RECQL: variants seen among roughly 807,000 people sequenced by gnomAD.
The protein encoded by RECQL is ATP-dependent DNA helicase Q1.
A neutral mutation model predicts 75.8 loss-of-function variants in RECQL; 73 were observed. The ratio of observed to expected loss-of-function variants is 0.96; its 90% CI spans 0.80 to 1.17. RECQL has a LOEUF of 1.17. RECQL is among the 50% of genes most tolerant of loss of function. RECQL has a pLI of 0.00. For missense variants in RECQL, 699 were observed against 772.1 expected, an observed-to-expected ratio of 0.91 and a Z score of 1.12; for synonymous variants, 248 against 254.4, an observed-to-expected ratio of 0.97 and a Z score of 0.24.
At chr12:21,489,809 T>C (rs991301301) in intron 4 of RECQL, among the ~76,000 whole-genome samples, 3 of 152,226 alleles carry the variant, frequency 2.0e-5, no homozygotes, top group African/African-American at 7.2e-5. Context: ...AATATGTTTT[T>C]AAATTTATGT....
intron 14 of RECQL, chr12:21,470,620 G>C: frequency 2.8e-6 from 1 of 352,442 alleles, no homozygotes; most frequent in Non-Finnish European, 5.1e-6. Context: ...GATAGTATTT[G>C]GTTTAAAACA....
At position 21,476,962 on chromosome 12, in the gene RECQL, A is replaced by T. The variant is rs142858580; in HGVS notation, c.898T>A (p.Phe300Ile). 176 of 1,610,292 alleles carry T rather than the reference A, an allele frequency of 1.1e-4. No individual in the cohort carries two copies. Among genetic ancestry groups the T allele is most frequent in the Non-Finnish European group, 1.4e-4 (170 of 1,178,474 alleles). ...ATGAGCTTTACAATATCCTCAATAA[A>T]ATCTTCAGTGTTTGAGGGCTTCTGC... is the stretch of plus-strand genomic sequence containing the variant. ...VRQKPSNTED[F>I]IEDIVKLING... is the part of the protein sequence containing the mutation. Residue 300 changes from phenylalanine to isoleucine, a missense_variant, in exon 8 of 15, where the codon TTT (phenylalanine) becomes ATT (isoleucine). By Grantham distance (21) the Phe-to-Ile change is conservative. Transcript: ENST00000444129.
At chr12:21,494,569 C>A (rs1001541686) in intron 2 of RECQL, among the ~76,000 whole-genome samples, 2 of 152,056 alleles carry the variant, frequency 1.3e-5, no homozygotes, top group Non-Finnish European at 2.9e-5. Flanking sequence ...TGGAATAAAA[C>A]AGGTATAGAG....
In RECQL at chr12:21,491,227, T is replaced by C. The variant is rs931716895; in HGVS notation, c.214+292A>G. 3.3e-5 allele frequency among the ~76,000 whole-genome samples: 5 copies of C among 152,340 alleles called. No homozygotes were observed. The East Asian group carries it at 7.7e-4, about 23-fold the overall frequency. On this transcript the variant is annotated intron_variant, in intron 3 of 14. Transcript: ENST00000444129. ...TAACCTTTGGCAAGGAGTTTGAATT[T>C]TTTTTCTTAACTGTTTGTTAATGTA...
chr12:21,499,445 G>T (rs780842486), intron 2 of RECQL, 110 bp downstream of exon 2: 18 of 1,031,600 alleles, frequency 1.7e-5, no homozygotes, highest in Middle Eastern at 4.4e-4. Flanking sequence ...CAATAAAAAA[G>T]CTGAAAAAAA....
At chr12:21,500,704 C>G (rs1943595547) in intron 1 of RECQL, among the ~76,000 whole-genome samples, 1 of 152,182 alleles carries the variant, frequency 6.6e-6, no homozygotes, top group South Asian at 2.1e-4. Flanking sequence ...GGGGTTCAAT[C>G]TCTTCACCTT....
chr12:21,471,725 A>ACTGGTTTAAAG, intron 12 of RECQL, 78 bp from the exon 13 acceptor site: 1 of 1,161,032 alleles, frequency 8.6e-7, no homozygotes, highest in Non-Finnish European at 1.3e-6. Flanking sequence ...AAGTAGTTAA[A>ACTGGTTTAAAG]CTGGTTTAAA....
chr12:21,484,710 C>G (rs1339473410), intron 5 of RECQL, among the ~76,000 whole-genome samples: 1 of 151,910 alleles, frequency 6.6e-6, no homozygotes, highest in Non-Finnish European at 1.5e-5. Context: ...GAGGCTCTCA[C>G]TGCCCAAGGA....
rs2137327875 is a variant in RECQL, at chr12:21,473,565, C to T, written c.1433G>A (p.Cys478Tyr). The change falls in exon 12 of 15, where the codon TGC (cysteine) becomes TAC (tyrosine). Residue 478 changes from cysteine (C) to tyrosine (Y), a missense_variant. By Grantham distance (194) the Cys-to-Tyr change is radical. Transcript: ENST00000444129. ...AACAAACTCACCACTGTCTTTACAG[C>T]AGTTATCGCACATTTTGTTACATGC... The part of the protein sequence containing the change: ...SEACNKMCDN[C>Y]CKDSAFERKN... The T allele has an allele frequency of 1.9e-6, 3 of 1,612,328 alleles. No homozygotes were observed. The highest frequency in any genetic ancestry group is 1.1e-5 in the South Asian group (1 of 91,012).
At chr12:21,481,224 G>A (rs79127205) in intron 6 of RECQL, among the ~76,000 whole-genome samples, 4,474 of 152,264 alleles carry the variant, frequency 0.029, 179 homozygotes, top group African/African-American at 0.089. Context: ...TTTTTGGTTA[G>A]AATGTCGAGT....
intron 5 of RECQL, 120 bp downstream of exon 5, chr12:21,486,359 T>C: frequency 7.8e-7 from 1 of 1,286,310 alleles, no homozygotes. Flanking sequence ...AGAGCAGTAG[T>C]TTGTAACTCC....
intron 6 of RECQL, among the ~76,000 whole-genome samples, chr12:21,480,767 G>T (rs767992709): frequency 6.6e-6 from 1 of 152,084 alleles, no homozygotes; most frequent in Admixed American, 6.6e-5. Flanking sequence ...ACTTTTCTCA[G>T]CCTTTGGAGA....
chr12:21,475,321 A>T (rs150881760), intron 10 of RECQL, 147 bp downstream of exon 10: 7 of 578,726 alleles, frequency 1.2e-5, no homozygotes, highest in Admixed American at 3.4e-5. Context: ...ATTTCTCCAT[A>T]TGCAAGTAAG....
At chr12:21,481,789 A>T (rs1943196590) in intron 6 of RECQL, among the ~76,000 whole-genome samples, 1 of 152,062 alleles carries the variant, frequency 6.6e-6, no homozygotes, top group African/African-American at 2.4e-5. Flanking sequence ...GGAAGAGCGA[A>T]GGAGGTGAGA....
At chr12:21,474,403 A>G (rs1943042171) in intron 11 of RECQL, among the ~76,000 whole-genome samples, 1 of 152,048 alleles carries the variant, frequency 6.6e-6, no homozygotes, top group African/African-American at 2.4e-5. Context: ...ATCTAGTCTA[A>G]AGCCACCCTA....
chr12:21,482,043 T>C (rs1203258398), intron 6 of RECQL, among the ~76,000 whole-genome samples: 1 of 151,772 alleles, frequency 6.6e-6, no homozygotes, highest in African/African-American at 2.4e-5. Context: ...ATGGAGATGG[T>C]AAGCTGAGAA....
At chr12:21,478,475 G>C (rs778345771) in intron 6 of RECQL, among the ~76,000 whole-genome samples, 14 of 152,170 alleles carry the variant, frequency 9.2e-5, no homozygotes, top group Non-Finnish European at 1.9e-4. Flanking sequence ...AAAGAGGACA[G>C]AGCAGCTGCT....
At position 21,469,279 on chromosome 12, in the gene RECQL, A is replaced by G. The variant is rs1029862874; in HGVS notation, c.*915T>C. ...CTGAAATCATCTACAAGCTTGTCCAACTCTAGCCCACGGGTCTAATGCAGC... is the reference window on the plus strand; with the variant it reads ...CTGAAATCATCTACAAGCTTGTCCAGCTCTAGCCCACGGGTCTAATGCAGC... On this transcript the variant is annotated 3_prime_UTR_variant, in exon 15 of 15. Coordinates refer to ENST00000444129, the MANE Select transcript of RECQL (RefSeq NM_002907.4). The G allele has an allele frequency of 6.5e-6, 1 of 154,602 alleles. No homozygotes were observed. The highest frequency in any genetic ancestry group is 2.4e-5 in the African/African-American group (1 of 41,412). The allele number at this position is 154,602 out of a possible 1,614,324, so 9.6% of individuals were successfully genotyped here. A position where few individuals can be genotyped will look rare whatever the true frequency, so the allele number is the denominator to read the frequency against.
At chr12:21,496,146 T>G (rs572790051) in intron 2 of RECQL, among the ~76,000 whole-genome samples, 1 of 152,202 alleles carries the variant, frequency 6.6e-6, no homozygotes, top group Non-Finnish European at 1.5e-5. Context: ...ATGAGGGTAA[T>G]GATGACTTCC....
Sources: allele counts gnomAD v4.1 joint callset (sites outside exome capture counted in the v4.1 genomes callset), GRCh38; gene constraint gnomAD v4.1.1; transcripts MANE v1.5; gene names NCBI Gene and HGNC (gene_info 2026-07-23, HGNC 2026-07-21).